Variants in SPECC1L observed in about 807,000 individuals in gnomAD.
The protein encoded by SPECC1L is sperm antigen with calponin homology and coiled-coil domains 1 like.
SPECC1L carries 40 observed loss-of-function variants against 116.8 expected under a neutral mutation model. The observed-to-expected ratio is 0.34, with a 90% CI of 0.27 to 0.45. The LOEUF (loss-of-function observed/expected upper bound fraction) is 0.45. Ranked by LOEUF, SPECC1L falls within the 20% of genes least tolerant of loss-of-function variation. The pLI, the probability that SPECC1L is intolerant of heterozygous loss-of-function variation, is 1.00. For missense variants in SPECC1L, 1,110 were observed against 1,373.6 expected, an observed-to-expected ratio of 0.81 and a Z score of 3.03; for synonymous variants, 504 against 500.6, an observed-to-expected ratio of 1.01 and a Z score of -0.09.
intron 15 of SPECC1L, chr22:24,412,038 A>ACCAGG (rs997683366): frequency 2.4e-6 from 1 of 419,802 alleles, no homozygotes; most frequent in Non-Finnish European, 4.5e-6. Flanking sequence ...GGCAGTGCTG[A>ACCAGG]CCAGGCCAGG....
chr22:24,410,276 C>T (rs917522784), intron 14 of SPECC1L, among the ~76,000 whole-genome samples: 1 of 152,232 alleles, frequency 6.6e-6, no homozygotes, highest in African/African-American at 2.4e-5. Context: ...TCAAGGGATC[C>T]TCCCGCCTCA....
At chr22:24,293,256 C>T (rs2049190136) in intron 2 of SPECC1L, among the ~76,000 whole-genome samples, 1 of 152,132 alleles carries the variant, frequency 6.6e-6, no homozygotes, top group African/African-American at 2.4e-5. Flanking sequence ...GAGATCGAGA[C>T]TATCCTGGCC....
At chr22:24,319,131 T>G (rs1248159521) in intron 4 of SPECC1L, among the ~76,000 whole-genome samples, 2 of 152,180 alleles carry the variant, frequency 1.3e-5, no homozygotes, top group Non-Finnish European at 2.9e-5. Context: ...TCCTTATGTA[T>G]TCCACTTAGA....
chr22:24,350,491 T>A (rs976594197), intron 11 of SPECC1L, among the ~76,000 whole-genome samples: 3 of 152,098 alleles, frequency 2.0e-5, no homozygotes, highest in African/African-American at 4.8e-5. Flanking sequence ...TGCTGTTCAA[T>A]TTTATTACTA....
intron 10 of SPECC1L, among the ~76,000 whole-genome samples, chr22:24,344,943 GT>G (rs1363235217): frequency 2.6e-5 from 4 of 152,180 alleles, no homozygotes; most frequent in Non-Finnish European, 5.9e-5. Flanking sequence ...ATATCTTGTA[GT>G]AGTCTTTTAA....
chr22:24,371,904 A>G (rs1174924038), intron 14 of SPECC1L, among the ~76,000 whole-genome samples: 1 of 152,316 alleles, frequency 6.6e-6, no homozygotes, highest in African/African-American at 2.4e-5. Context: ...GTATTTTAGT[A>G]GAGACGAGGT....
chr22:24,325,596 T>A (rs1297975339), intron 6 of SPECC1L, among the ~76,000 whole-genome samples: 1 of 151,604 alleles, frequency 6.6e-6, no homozygotes, highest in Non-Finnish European at 1.5e-5. Flanking sequence ...GTGACAGTAA[T>A]AAAAATGTAG....
rs535233051 is a variant in SPECC1L, at chr22:24,416,058, A to G, written c.*1435A>G. On this transcript the variant is annotated 3_prime_UTR_variant, in exon 17 of 17. Transcript: ENST00000314328. ...GTCACTGCCCCACAGACTGGATGCAATGAGGGGCTCACAGGAGGCCCAGCC... is the reference window on the plus strand; with the variant it reads ...GTCACTGCCCCACAGACTGGATGCAGTGAGGGGCTCACAGGAGGCCCAGCC... 2.8e-4 allele frequency: 42 copies of G among 152,384 alleles called. 1 individual carries two copies. Among genetic ancestry groups the G allele is most frequent in the African/African-American group, 9.6e-4 (40 of 41,594 alleles). The allele number at this position is 152,384 out of a possible 1,614,324, so 9.4% of individuals were successfully genotyped here. A position where few individuals can be genotyped will look rare whatever the true frequency, so the allele number is the denominator to read the frequency against.
intron 11 of SPECC1L, among the ~76,000 whole-genome samples, chr22:24,353,122 C>T (rs1310331678): frequency 6.6e-6 from 1 of 152,154 alleles, no homozygotes; most frequent in African/African-American, 2.4e-5. Context: ...AACTATAGAA[C>T]AGTTACAAAA....
chr22:24,368,329 G>A (rs1284286725), intron 13 of SPECC1L, among the ~76,000 whole-genome samples: 4 of 152,168 alleles, frequency 2.6e-5, no homozygotes, highest in African/African-American at 7.2e-5. Context: ...TGCCTGGCAC[G>A]ATGGTGCTCC....
At chr22:24,399,336 C>T (rs891146986) in intron 14 of SPECC1L, among the ~76,000 whole-genome samples, 5 of 152,120 alleles carry the variant, frequency 3.3e-5, no homozygotes, top group Non-Finnish European at 7.4e-5. Flanking sequence ...TTTGGGAGGC[C>T]GAGGCGGGTG....
intron 11 of SPECC1L, among the ~76,000 whole-genome samples, chr22:24,349,983 G>A (rs993458381): frequency 6.6e-6 from 1 of 152,118 alleles, no homozygotes; most frequent in Non-Finnish European, 1.5e-5. Flanking sequence ...GGGGCCTCCA[G>A]ACCCTCGCAG....
rs542924834 is a variant in SPECC1L at position 24,336,131 on chromosome 22, G to A, written c.2560+1558G>A. Among the ~76,000 whole-genome samples the A allele has an allele frequency of 2.6e-5, 4 of 152,046 alleles. No individual in the cohort carries two copies. The South Asian group carries it at 8.3e-4, about 32-fold the overall frequency. Reference sequence around the variant, plus strand: ...TAAAATAATATGCATATTTTAATAAGGATGACATAGATCTCAAAGTACTGA... The same window carrying A: ...TAAAATAATATGCATATTTTAATAAAGATGACATAGATCTCAAAGTACTGA... On this transcript the variant is annotated intron_variant, in intron 9 of 16. Transcript: ENST00000314328.
Position 24,331,678 on chromosome 22 carries a change from A to G in SPECC1L, c.2396+1247A>G, listed in dbSNP as rs570164633. On this transcript the variant is annotated intron_variant, in intron 8 of 16. Coordinates refer to ENST00000314328, the MANE Select transcript of SPECC1L (RefSeq NM_015330.6). ...CCCTTTAAGGACTCTGTGAGGTCAT[A>G]CTGTCTTCATAATACCATCACATTG... Among the ~76,000 whole-genome samples, 4 of 152,272 alleles carry G rather than the reference A, an allele frequency of 2.6e-5. No homozygotes were observed. The South Asian group carries it at 8.3e-4, about 32-fold the overall frequency.
intron 4 of SPECC1L, among the ~76,000 whole-genome samples, chr22:24,317,868 C>G (rs1451030888): frequency 2.0e-5 from 3 of 151,724 alleles, no homozygotes; most frequent in Non-Finnish European, 4.4e-5. Context: ...CAGAGACGCT[C>G]CTCACATCCC....
chr22:24,377,469 A>T (rs2041993289), intron 14 of SPECC1L, among the ~76,000 whole-genome samples: 1 of 152,170 alleles, frequency 6.6e-6, no homozygotes, highest in Admixed American at 6.5e-5. Context: ...ACATGGACGT[A>T]TGTAGTTTTC....
At chr22:24,373,363 G>C (rs1325443297) in intron 14 of SPECC1L, among the ~76,000 whole-genome samples, 4 of 152,162 alleles carry the variant, frequency 2.6e-5, no homozygotes, top group Non-Finnish European at 4.4e-5. Flanking sequence ...CACACTACCT[G>C]ACTTCAAACT....
intron 8 of SPECC1L, among the ~76,000 whole-genome samples, chr22:24,332,885 G>A (rs2040966879): frequency 6.6e-6 from 1 of 151,892 alleles, no homozygotes; most frequent in Admixed American, 6.6e-5. Flanking sequence ...GAGTAGAAAG[G>A]GGCTCTAAGA....
In SPECC1L at chr22:24,322,066, GCTGGATGCA is replaced by G; in HGVS notation, c.1088_1096del (p.Leu363_Ala365del). The stretch of plus-strand genomic sequence containing the variant: ...AGCCCCTCACATCGAGCGATGATGC[GCTGGATGCA>G]CCATCCTCCTCAGAGTCGGAAGGCA... On this transcript the variant is annotated inframe_deletion, in exon 5 of 17. Transcript: ENST00000314328. The G allele has an allele frequency of 6.2e-7, 1 of 1,614,118 alleles. No individual in the cohort carries two copies. Among genetic ancestry groups the G allele is most frequent in the Non-Finnish European group, 8.5e-7 (1 of 1,180,012 alleles).
Sources: allele counts gnomAD v4.1 joint callset (sites outside exome capture counted in the v4.1 genomes callset), GRCh38; gene constraint gnomAD v4.1.1; transcripts MANE v1.5; gene names NCBI Gene and HGNC (gene_info 2026-07-23, HGNC 2026-07-21).